GRIA3: variants seen among roughly 807,000 people sequenced by gnomAD.
GRIA3 encodes the protein glutamate ionotropic receptor AMPA type subunit 3.
A neutral mutation model predicts 63.0 loss-of-function variants in GRIA3; 3 were observed. The observed-to-expected ratio is 0.05, with a 90% CI of 0.02 to 0.12. GRIA3 has a LOEUF of 0.12. GRIA3 is among the 10% of genes least tolerant of loss of function. The pLI, the probability that GRIA3 is intolerant of heterozygous loss-of-function variation, is 1.00. For missense variants in GRIA3, 347 were observed against 700.9 expected (o/e 0.50, Z 5.70); for synonymous variants, 274 against 257.9 (o/e 1.06, Z -0.60).
At chrX:123,317,431 A>G (rs966262140) in intron 3 of GRIA3, among the ~76,000 whole-genome samples, 6 of 111,763 alleles carry the variant, frequency 5.4e-5, no homozygotes, top group African/African-American at 1.3e-4. Context: ...AATCCCTTCC[A>G]CCTATGAGCC....
Position 123,461,394 on chromosome X carries a change from G to T in GRIA3, c.2077-3471G>T, listed in dbSNP as rs1354538080. On this transcript the variant is annotated intron_variant, in intron 12 of 15. Transcript: ENST00000620443. ...GAGGACACCCAAAGAAGCACTTCGT[G>T]GGGGCAGGAAAGGGTTAGGAAAGAC... is the stretch of plus-strand genomic sequence containing the variant. Among the ~76,000 whole-genome samples the T allele has an allele frequency of 7.8e-4, 87 of 111,731 alleles. 3 individuals carry two copies. The highest frequency in any genetic ancestry group is 1.3e-4 in the Non-Finnish European group (7 of 53,165).
At chrX:123,477,285 T>G (rs1227362475) in intron 13 of GRIA3, among the ~76,000 whole-genome samples, 2 of 112,448 alleles carry the variant, frequency 1.8e-5, no homozygotes, top group Non-Finnish European at 3.8e-5. Context: ...AAATTAAAAC[T>G]GAAAAATTGT....
chrX:123,187,571 C>T (rs1927313599), intron 2 of GRIA3, among the ~76,000 whole-genome samples: 1 of 112,131 alleles, frequency 8.9e-6, no homozygotes, highest in Non-Finnish European at 1.9e-5. Flanking sequence ...ATCTCAAATG[C>T]AGCTTCCTAA....
chrX:123,189,274 T>C (rs977684416), intron 2 of GRIA3, among the ~76,000 whole-genome samples: 10 of 112,357 alleles, frequency 8.9e-5, no homozygotes, highest in African/African-American at 3.2e-4. Flanking sequence ...TATACATTCA[T>C]AGACACACAA....
At chrX:123,390,413 G>GT (rs1420609704) in intron 5 of GRIA3, among the ~76,000 whole-genome samples, 4 of 111,252 alleles carry the variant, frequency 3.6e-5, no homozygotes, top group Admixed American at 9.6e-5. Flanking sequence ...GTTGCCAGGT[G>GT]TTTTTTTGTT....
intron 3 of GRIA3, among the ~76,000 whole-genome samples, chrX:123,313,843 A>G (rs2044814278): frequency 9.0e-6 from 1 of 111,100 alleles, no homozygotes; most frequent in Admixed American, 9.6e-5. Context: ...AAATATACTC[A>G]CTTCTGGGAA....
intron 3 of GRIA3, among the ~76,000 whole-genome samples, chrX:123,294,970 C>T (rs1325331929): frequency 9.0e-6 from 1 of 111,486 alleles, no homozygotes; most frequent in Non-Finnish European, 1.9e-5. Flanking sequence ...CTAGCGATAA[C>T]TATTGGCCAA....
At chrX:123,435,497 G>A (rs2045639253) in intron 12 of GRIA3, among the ~76,000 whole-genome samples, 1 of 112,021 alleles carries the variant, frequency 8.9e-6, no homozygotes, top group Non-Finnish European at 1.9e-5. Flanking sequence ...CTAGGATCCT[G>A]ATGCTCTGAG....
intron 13 of GRIA3, among the ~76,000 whole-genome samples, chrX:123,477,162 A>G (rs1231336353): frequency 9.0e-6 from 1 of 111,141 alleles, no homozygotes; most frequent in Non-Finnish European, 1.9e-5. Context: ...CTCCTCCAAA[A>G]CCTGTTTCTG....
intron 2 of GRIA3, among the ~76,000 whole-genome samples, chrX:123,187,761 A>T (rs1008673957): frequency 8.9e-6 from 1 of 111,892 alleles, no homozygotes; most frequent in Non-Finnish European, 1.9e-5. Flanking sequence ...TCCTGTTCTT[A>T]TGGTCAAACC....
intron 3 of GRIA3, among the ~76,000 whole-genome samples, chrX:123,310,170 T>C (rs1248019322): frequency 8.9e-6 from 1 of 112,843 alleles, no homozygotes; most frequent in African/African-American, 3.2e-5. Flanking sequence ...AATAAATTCC[T>C]AGCCAGTATG....
intron 2 of GRIA3, among the ~76,000 whole-genome samples, chrX:123,240,688 G>A (rs2044325198): frequency 8.9e-6 from 1 of 111,772 alleles, no homozygotes; most frequent in South Asian, 3.7e-4. Flanking sequence ...TTGATCTTAG[G>A]TAATAACACA....
Position 123,463,550 on chromosome X carries a change from C to CGAAGGAAGGAAG in GRIA3, c.2077-1297_2077-1286dup, listed in dbSNP as rs1366354631. Among the ~76,000 whole-genome samples, 4 of 29,106 alleles carry CGAAGGAAGGAAG rather than the reference C, an allele frequency of 1.4e-4. 2 individuals are homozygous for CGAAGGAAGGAAG. The highest frequency in any genetic ancestry group is 1.0e-3 in the African/African-American group (4 of 3,900). 25.3% of individuals were successfully genotyped at this position (29,106 alleles called of 115,157 possible). On this transcript the variant is annotated intron_variant, in intron 12 of 15. Transcript: ENST00000620443. ...GGGTGACAGAGTGAGACGAAAGAAG[C>CGAAGGAAGGAAG]GAAGGAAGGAAGGAAGGAAGGAAGG...
intron 2 of GRIA3, among the ~76,000 whole-genome samples, chrX:123,235,392 TC>T (rs1326977404): frequency 8.9e-5 from 10 of 111,732 alleles, no homozygotes; most frequent in Non-Finnish European, 1.7e-4. Flanking sequence ...TAAAATATAT[TC>T]CCTGTAATCC....
At chrX:123,195,868 A>AT (rs199978797) in intron 2 of GRIA3, among the ~76,000 whole-genome samples, 1,819 of 110,714 alleles carry the variant, frequency 0.016, 39 homozygotes, top group African/African-American at 0.057. Context: ...ATATGGTAGA[A>AT]TTTTTTCTCC....
intron 10 of GRIA3, among the ~76,000 whole-genome samples, chrX:123,408,477 A>G: frequency 8.9e-6 from 1 of 112,009 alleles, no homozygotes; most frequent in Non-Finnish European, 1.9e-5. Context: ...TTCTCACTGG[A>G]TTTGTTTTCT....
chrX:123,206,794 GT>G (rs1927900927), intron 2 of GRIA3, among the ~76,000 whole-genome samples: 2 of 111,949 alleles, frequency 1.8e-5, no homozygotes, highest in Non-Finnish European at 3.8e-5. Flanking sequence ...TATATGTGAT[GT>G]CTAATTATAA....
At chrX:123,378,293 A>G (rs1428991575) in intron 5 of GRIA3, among the ~76,000 whole-genome samples, 2 of 111,687 alleles carry the variant, frequency 1.8e-5, no homozygotes, top group African/African-American at 6.5e-5. Flanking sequence ...TCCATCTTCT[A>G]CTGCTGACCT....
At chrX:123,481,485 C>A (rs919379708) in intron 14 of GRIA3, among the ~76,000 whole-genome samples, 1 of 111,691 alleles carries the variant, frequency 9.0e-6, no homozygotes, top group African/African-American at 3.3e-5. Context: ...AAGAAGGACA[C>A]GGCCATATTG....
Sources: gnomAD v4.1 joint callset for allele counts (sites outside exome capture counted in the v4.1 genomes callset) on GRCh38, gnomAD v4.1.1 for gene constraint, MANE v1.5 for transcripts, NCBI Gene and HGNC (gene_info 2026-07-23, HGNC 2026-07-21) for gene names.